The following BLTP1 variants were observed in gnomAD, a reference collection of about 807,000 sequenced individuals.
The protein encoded by BLTP1 is bridge-like lipid transfer protein family member 1.
At chr4:122,333,651 A>G in the BLTP1 span, 2 of 1,605,078 alleles carry the variant, frequency 1.2e-6, no homozygotes, top group East Asian at 4.5e-5. Flanking sequence ...AAGTTCCAGG[A>G]GCTTAGATCA....
chr4:122,337,387 T>A, the BLTP1 span, among the ~76,000 whole-genome samples: 1 of 152,134 alleles, frequency 6.6e-6, no homozygotes, highest in East Asian at 1.9e-4. Flanking sequence ...AAGCCTTTTT[T>A]ATAATAAAAT....
At chr4:122,269,084 T>C in the BLTP1 span, 5 of 965,418 alleles carry the variant, frequency 5.2e-6, no homozygotes, top group East Asian at 5.7e-4. Flanking sequence ...TACCTACACA[T>C]ACTCTCTAGG....
At chr4:122,310,190 AGAG>A in the BLTP1 span, among the ~76,000 whole-genome samples, 1 of 152,084 alleles carries the variant, frequency 6.6e-6, no homozygotes, top group Non-Finnish European at 1.5e-5. Flanking sequence ...TCTCTCCACT[AGAG>A]GGAAATCTTT....
At chr4:122,169,834 A>G in the BLTP1 span, 1 of 985,084 alleles carries the variant, frequency 1.0e-6, no homozygotes, top group Non-Finnish European at 1.2e-6. Flanking sequence ...CCTAGAGTGA[A>G]TCTGAACTAG....
the BLTP1 span, chr4:122,352,729 C>T: frequency 8.1e-6 from 2 of 247,092 alleles, no homozygotes; most frequent in Non-Finnish European, 1.3e-5. Context: ...CCTCATGCAG[C>T]ATCTTTTCCT....
the BLTP1 span, chr4:122,282,213 C>T: frequency 3.0e-6 from 1 of 337,850 alleles, no homozygotes; most frequent in Non-Finnish European, 4.2e-6. Context: ...AAATTCCTTG[C>T]TTTTAATATT....
At chr4:122,261,430 A>G in the BLTP1 span, 1 of 985,264 alleles carries the variant, frequency 1.0e-6, no homozygotes, top group Non-Finnish European at 1.2e-6. Flanking sequence ...TTTGCTTTTC[A>G]AGATCTTTTT....
At chr4:122,241,479 T>G in the BLTP1 span, among the ~76,000 whole-genome samples, 2 of 152,178 alleles carry the variant, frequency 1.3e-5, no homozygotes, top group East Asian at 1.9e-4. Context: ...GAATTGTCAT[T>G]AAGCAAGAGA....
chr4:122,171,182 G>A, the BLTP1 span, among the ~76,000 whole-genome samples: 1 of 152,008 alleles, frequency 6.6e-6, no homozygotes, highest in Non-Finnish European at 1.5e-5. Context: ...TGTGCACTTG[G>A]CAGTGAGATC....
the BLTP1 span, chr4:122,202,626 A>C: frequency 1.8e-6 from 1 of 564,706 alleles, no homozygotes; most frequent in East Asian, 1.4e-4. Context: ...CCTATCATCA[A>C]GTATTTACTC....
chr4:122,304,956 G>C, the BLTP1 span: 2 of 1,613,790 alleles, frequency 1.2e-6, no homozygotes, highest in Non-Finnish European at 1.7e-6. Flanking sequence ...ATTTAAATCT[G>C]GCATTAGGAC....
chr4:122,266,018 G>A, the BLTP1 span, among the ~76,000 whole-genome samples: 5 of 152,164 alleles, frequency 3.3e-5, no homozygotes, highest in Non-Finnish European at 7.3e-5. Context: ...TTAAGCTTCA[G>A]GAAAAGATCA....
the BLTP1 span, chr4:122,207,487 A>T: frequency 4.0e-6 from 6 of 1,513,652 alleles, no homozygotes; most frequent in Non-Finnish European, 5.3e-6. Flanking sequence ...AATTTAATGG[A>T]CATTAAAAGT....
At chr4:122,195,034 A>G in the BLTP1 span, among the ~76,000 whole-genome samples, 1 of 152,182 alleles carries the variant, frequency 6.6e-6, no homozygotes, top group African/African-American at 2.4e-5. Context: ...CCTTCCCTGT[A>G]TTGAGTTTCT....
At chr4:122,202,320 T>C in the BLTP1 span, among the ~76,000 whole-genome samples, 4 of 152,130 alleles carry the variant, frequency 2.6e-5, no homozygotes, top group South Asian at 2.1e-4. Context: ...CTAAAACTTA[T>C]AGTGTTTATT....
chr4:122,222,656 C>T, the BLTP1 span, among the ~76,000 whole-genome samples: 5,443 of 152,048 alleles, frequency 0.036, 344 homozygotes, highest in African/African-American at 0.12. Context: ...AAATTTCTGC[C>T]TCCATCTCGA....
At chr4:122,254,361 A>G in the BLTP1 span, 2 of 1,553,460 alleles carry the variant, frequency 1.3e-6, no homozygotes, top group Middle Eastern at 1.7e-4. Context: ...AGAGTTTTTA[A>G]AATATAGTAG....
At chr4:122,250,227 A>T in the BLTP1 span, 1 of 937,848 alleles carries the variant, frequency 1.1e-6, no homozygotes, top group African/African-American at 1.7e-5. Context: ...TCAGTGATAC[A>T]TTACTTTTAT....
At chr4:122,173,130 C>G in the BLTP1 span, 1 of 1,611,348 alleles carries the variant, frequency 6.2e-7, no homozygotes, top group East Asian at 2.2e-5. Context: ...ACAGATTATA[C>G]AAGCATGGCT....
Sources: allele counts gnomAD v4.1 joint callset (sites outside exome capture counted in the v4.1 genomes callset), GRCh38; gene constraint gnomAD v4.1.1; transcripts MANE v1.5; gene names NCBI Gene and HGNC (gene_info 2026-07-23, HGNC 2026-07-21).